UBE3C: variants seen among roughly 807,000 people sequenced by gnomAD.
UBE3C encodes ubiquitin-protein ligase E3C.
Under a neutral mutation model 129.4 loss-of-function variants are expected in UBE3C, and 42 were observed. That is an observed-to-expected ratio of 0.32 (90% confidence interval 0.25 to 0.42). UBE3C has a LOEUF of 0.42. UBE3C is among the 10% of genes least tolerant of loss of function. The pLI is 1.00. For synonymous variants in UBE3C, 510 were observed against 492.4 expected (o/e 1.04, Z -0.47); for missense variants, 1,049 against 1,319.1 (o/e 0.80, Z 3.17).
chr7:157,186,589 A>C (rs1488932577), intron 9 of UBE3C, among the ~76,000 whole-genome samples: 1 of 152,124 alleles, frequency 6.6e-6, no homozygotes, highest in Non-Finnish European at 1.5e-5. Context: ...GTAAATACTG[A>C]AGCTACTGTT....
At chr7:157,194,499 A>G (rs1173687245) in intron 10 of UBE3C, among the ~76,000 whole-genome samples, 1 of 152,220 alleles carries the variant, frequency 6.6e-6, no homozygotes, top group Non-Finnish European at 1.5e-5. Flanking sequence ...ACAAATATCT[A>G]AAAATGGAAA....
intron 6 of UBE3C, among the ~76,000 whole-genome samples, chr7:157,181,156 A>G (rs1808655427): frequency 6.6e-6 from 1 of 152,252 alleles, no homozygotes; most frequent in Admixed American, 6.5e-5. Flanking sequence ...AGACAGTTGG[A>G]GACTTGAATA....
chr7:157,193,565 A>G (rs1239578790), intron 10 of UBE3C, among the ~76,000 whole-genome samples: 2 of 152,184 alleles, frequency 1.3e-5, no homozygotes, highest in Non-Finnish European at 2.9e-5. Flanking sequence ...AAGCTTAATG[A>G]GTAATTTTTA....
chr7:157,176,505 C>T (rs372655327), intron 5 of UBE3C, among the ~76,000 whole-genome samples: 1 of 152,216 alleles, frequency 6.6e-6, no homozygotes, highest in African/African-American at 2.4e-5. Flanking sequence ...AAACTCCTGA[C>T]CTCAGGTCAT....
At chr7:157,204,914 CGAG>C (rs1362952716) in intron 11 of UBE3C, among the ~76,000 whole-genome samples, 1 of 152,130 alleles carries the variant, frequency 6.6e-6, no homozygotes, top group Non-Finnish European at 1.5e-5. Flanking sequence ...GGACATTGGA[CGAG>C]GAGGAGGAGT....
chr7:157,264,238 T>TACACAC (rs139566083), intron 22 of UBE3C, among the ~76,000 whole-genome samples: 1 of 125,660 alleles, frequency 8.0e-6, no homozygotes, highest in African/African-American at 3.2e-5. Context: ...CTCGGCCTGT[T>TACACAC]ACACACACAC....
intron 22 of UBE3C, among the ~76,000 whole-genome samples, chr7:157,258,294 C>T (rs1007763232): frequency 6.6e-6 from 1 of 152,114 alleles, no homozygotes; most frequent in Non-Finnish European, 1.5e-5. Context: ...AGAGTTCCTG[C>T]ACACTCATGT....
chr7:157,267,591 T>G lies in UBE3C; in HGVS notation c.3088T>G (p.Tyr1030Asp). 1 of 1,613,142 alleles carries G rather than the reference T, an allele frequency of 6.2e-7. No homozygotes were observed. The highest frequency in any genetic ancestry group is 8.5e-7 in the Non-Finnish European group (1 of 1,179,676). The change falls in exon 23 of 23, where the codon TAT (tyrosine) becomes GAT (aspartate). Residue 1030 changes from tyrosine (Y) to aspartate (D), a missense_variant. By Grantham distance (160) the Tyr-to-Asp change is radical (BLOSUM62 -3). This residue lies in a region of UBE3C where 243 missense variants were observed against 368.7 expected (regional missense o/e 0.66). Transcript: ENST00000348165. ...RPPLLGFKEL[Y>D]PAFCIHNGGS... Reference sequence around the variant, plus strand: ...CACACATGCTGTTTTTCAGGAGTTGTATCCCGCATTTTGTATTCACAACGG... The same window carrying G: ...CACACATGCTGTTTTTCAGGAGTTGGATCCCGCATTTTGTATTCACAACGG...
At chr7:157,194,159 C>T (rs1809052393) in intron 10 of UBE3C, among the ~76,000 whole-genome samples, 1 of 152,108 alleles carries the variant, frequency 6.6e-6, no homozygotes, top group African/African-American at 2.4e-5. Context: ...TGTTTTACCC[C>T]TGGTAATCTT....
At chr7:157,202,854 C>G (rs1809329059) in intron 11 of UBE3C, among the ~76,000 whole-genome samples, 1 of 152,124 alleles carries the variant, frequency 6.6e-6, no homozygotes, top group Non-Finnish European at 1.5e-5. Context: ...AGACACATCT[C>G]AGTTGTAGGG....
chr7:157,224,649 T>C (rs1795824911), intron 16 of UBE3C, among the ~76,000 whole-genome samples: 1 of 152,204 alleles, frequency 6.6e-6, no homozygotes, highest in South Asian at 2.1e-4. Flanking sequence ...GATTACTTGG[T>C]TCCGTTCTTC....
chr7:157,212,728 G>A (rs1809631707), intron 13 of UBE3C, among the ~76,000 whole-genome samples: 1 of 152,142 alleles, frequency 6.6e-6, no homozygotes, highest in Non-Finnish European at 1.5e-5. Flanking sequence ...AATAGAGCAT[G>A]TGTAACAGTT....
chr7:157,224,774 G>A (rs1254292799), intron 16 of UBE3C, among the ~76,000 whole-genome samples: 4 of 57,118 alleles, frequency 7.0e-5, no homozygotes, highest in Admixed American at 2.6e-4. Flanking sequence ...CTGCACGTGC[G>A]TACACACACA....
chr7:157,141,643 C>T (rs555224130), intron 1 of UBE3C, among the ~76,000 whole-genome samples: 8 of 152,300 alleles, frequency 5.3e-5, no homozygotes, highest in African/African-American at 1.9e-4. Flanking sequence ...TATATGTGGT[C>T]TGTTGTCGAC....
chr7:157,227,185 G>C (rs968719248), intron 17 of UBE3C, among the ~76,000 whole-genome samples: 5 of 152,064 alleles, frequency 3.3e-5, no homozygotes, highest in Admixed American at 6.6e-5. Flanking sequence ...GCCAATGATC[G>C]TGTAGTGTTT....
At position 157,264,642 on chromosome 7, in the gene UBE3C, G is replaced by A. The variant is rs1032360616; in HGVS notation, c.3082-2943G>A. The stretch of plus-strand genomic sequence containing the variant: ...TATTGCCCAGGCTGGAGTGCAATGC[G>A]TGATCTCGTCTCACTGCAGCCTGCA... On this transcript the variant is annotated intron_variant, in intron 22 of 22. Coordinates refer to ENST00000348165, the MANE Select transcript of UBE3C (RefSeq NM_014671.3). 2.6e-5 allele frequency among the ~76,000 whole-genome samples: 4 copies of A among 152,160 alleles called. No homozygotes were observed. The East Asian group carries it at 5.8e-4, about 22-fold the overall frequency.
rs115116924 is a variant in UBE3C, at chr7:157,240,416, A to C, written c.2482-7952A>C. On this transcript the variant is annotated intron_variant, in intron 18 of 22. Coordinates refer to ENST00000348165, the MANE Select transcript of UBE3C (RefSeq NM_014671.3). ...CTCTGATGCATGCTGAAATTTGAGA[A>C]TTACTGGACAATGGAAATACAATAG... 9.4e-3 allele frequency among the ~76,000 whole-genome samples: 1,425 copies of C among 152,272 alleles called. 22 individuals carry two copies. The highest frequency in any genetic ancestry group is 0.033 in the African/African-American group (1,374 of 41,554).
chr7:157,209,155 G>A (rs1244072161), intron 13 of UBE3C, among the ~76,000 whole-genome samples: 2 of 152,206 alleles, frequency 1.3e-5, no homozygotes, highest in African/African-American at 4.8e-5. Flanking sequence ...GCCCATTAAT[G>A]CTTGCACTTA....
intron 1 of UBE3C, among the ~76,000 whole-genome samples, chr7:157,148,914 G>A (rs1352694224): frequency 6.6e-6 from 1 of 151,734 alleles, no homozygotes; most frequent in Non-Finnish European, 1.5e-5. Context: ...CCCAACCCCA[G>A]CCTGGCTCTG....
Sources: allele counts gnomAD v4.1 joint callset (sites outside exome capture counted in the v4.1 genomes callset), GRCh38; gene constraint gnomAD v4.1.1; regional missense constraint gnomAD v4.1.1; transcripts MANE v1.5; gene names NCBI Gene and HGNC (gene_info 2026-07-23, HGNC 2026-07-21).